DPM1: variants seen among roughly 807,000 people sequenced by gnomAD.
DPM1 encodes dolichyl-phosphate mannosyltransferase subunit 1, catalytic.
A neutral mutation model predicts 39.0 loss-of-function variants in DPM1; 27 were observed. That is an observed-to-expected ratio of 0.69 (90% CI 0.51 to 0.95). The LOEUF is 0.95. Ranked by LOEUF, DPM1 falls within the 40% of genes least tolerant of loss-of-function variation. The pLI is 0.00. For synonymous variants in DPM1, 124 were observed against 109.0 expected, an observed-to-expected ratio of 1.14 and a Z score of -0.86; for missense variants, 307 against 315.6, an observed-to-expected ratio of 0.97 and a Z score of 0.21.
chr20:50,940,422 G>A (rs912861269), intron 7 of DPM1, among the ~76,000 whole-genome samples: 4 of 152,144 alleles, frequency 2.6e-5, no homozygotes, highest in African/African-American at 4.8e-5. Context: ...CAGAGGGACC[G>A]AAGCTTTGTC....
chr20:50,941,316 CATATT>C (rs1444503571), intron 6 of DPM1: 1 of 125,660 alleles, frequency 8.0e-6, no homozygotes, highest in Admixed American at 8.8e-5. Context: ...TATGTATATT[CATATT>C]ATATATTCAT....
intron 2 of DPM1, among the ~76,000 whole-genome samples, chr20:50,951,788 C>CAAAA (rs756735202): frequency 1.4e-5 from 2 of 145,778 alleles, no homozygotes; most frequent in African/African-American, 5.1e-5. Flanking sequence ...ACTCCAATCT[C>CAAAA]AAAAAAAAAA....
chr20:50,939,458 C>T (rs537160665), intron 7 of DPM1, among the ~76,000 whole-genome samples: 127 of 149,610 alleles, frequency 8.5e-4, no homozygotes, highest in Non-Finnish European at 1.4e-3. Flanking sequence ...CTCCACCTCC[C>T]AAGTAGCTTA....
chr20:50,949,807 T>C (rs766690701), intron 2 of DPM1, among the ~76,000 whole-genome samples: 3 of 152,120 alleles, frequency 2.0e-5, no homozygotes, highest in Non-Finnish European at 2.9e-5. Context: ...GAGGTTTCTA[T>C]TTGCATGGAA....
At chr20:50,956,933 A>C (rs1986855185) in intron 1 of DPM1, among the ~76,000 whole-genome samples, 1 of 152,204 alleles carries the variant, frequency 6.6e-6, no homozygotes, top group Non-Finnish European at 1.5e-5. Flanking sequence ...TGTTTCCTTT[A>C]TCAAACTTCA....
At chr20:50,945,285 T>TGC (rs1986201332) in intron 5 of DPM1, among the ~76,000 whole-genome samples, 2 of 730 alleles carry the variant, frequency 2.7e-3, no homozygotes, top group Admixed American at 0.029. Context: ...AAATGTGTGT[T>TGC]GTGTGTGTGT....
intron 7 of DPM1, among the ~76,000 whole-genome samples, chr20:50,939,499 T>G (rs527857988): frequency 1.1e-4 from 17 of 150,636 alleles, no homozygotes; most frequent in Non-Finnish European, 1.9e-4. Flanking sequence ...ACTTGGCTAA[T>G]TTTTTGTATT....
intron 8 of DPM1, 135 bp downstream of exon 8, chr20:50,936,013 G>A: frequency 1.5e-6 from 1 of 680,350 alleles, no homozygotes; most frequent in Non-Finnish European, 2.6e-6. Context: ...TACCCTTTGT[G>A]CATGAATATT....
chr20:50,943,612 G>A (rs1986054929), intron 5 of DPM1, among the ~76,000 whole-genome samples: 1 of 152,014 alleles, frequency 6.6e-6, no homozygotes, highest in African/African-American at 2.4e-5. Flanking sequence ...GCCCGCCTCA[G>A]CCTCCCAAAG....
chr20:50,941,344 T>TATATATAC (rs1985779030), intron 6 of DPM1: 1 of 144,170 alleles, frequency 6.9e-6, no homozygotes, highest in Non-Finnish European at 1.4e-5. Flanking sequence ...ATATTCGTAT[T>TATATATAC]ATATATATTC....
chr20:50,940,043 A>G (rs1985578200), intron 7 of DPM1, among the ~76,000 whole-genome samples: 1 of 151,440 alleles, frequency 6.6e-6, no homozygotes, highest in Non-Finnish European at 1.5e-5. Flanking sequence ...AGTTCTAGAG[A>G]GGCTTCATTT....
At chr20:50,942,503 C>CA (rs11484450) in intron 5 of DPM1, among the ~76,000 whole-genome samples, 37,262 of 128,538 alleles carry the variant, frequency 0.29, 4,939 homozygotes, top group Admixed American at 0.3. Context: ...GACTCCATCT[C>CA]AAAAAAAAAA....
intron 7 of DPM1, 56 bp from the exon 8 acceptor site, chr20:50,936,318 T>A: frequency 8.5e-7 from 1 of 1,177,964 alleles, no homozygotes; most frequent in East Asian, 2.5e-5. Flanking sequence ...TGCCTATGTA[T>A]CCTGACCTTT....
chr20:50,949,659 G>A (rs1331873667), intron 2 of DPM1, among the ~76,000 whole-genome samples: 1 of 152,140 alleles, frequency 6.6e-6, no homozygotes, highest in East Asian at 1.9e-4. Context: ...ACTCATTAGT[G>A]AGCATGTCTT....
At chr20:50,948,508 C>T (rs536920409) in intron 3 of DPM1, 121 bp downstream of exon 3, 7 of 971,026 alleles carry the variant, frequency 7.2e-6, no homozygotes, top group Admixed American at 3.4e-5. Context: ...TCATTAAGAT[C>T]ATTAAAAACC....
At chr20:50,942,230 G>T in intron 5 of DPM1, 104 bp from the exon 6 acceptor site, 2 of 1,022,276 alleles carry the variant, frequency 2.0e-6, no homozygotes, top group Non-Finnish European at 1.5e-6. Flanking sequence ...GACACAGGCT[G>T]GGTGCAGTGG....
intron 3 of DPM1, 81 bp from the exon 4 acceptor site, chr20:50,946,004 C>CACCTGAAGA (rs1181702891): frequency 1.7e-6 from 2 of 1,211,970 alleles, no homozygotes; most frequent in African/African-American, 3.0e-5. Context: ...AATTGTTTAG[C>CACCTGAAGA]ACCTGAAGAG....
chr20:50,946,211 T>A (rs1986274143), intron 3 of DPM1, among the ~76,000 whole-genome samples: 1 of 152,230 alleles, frequency 6.6e-6, no homozygotes. Flanking sequence ...AGTCTAAGAT[T>A]ATGTAGCACA....
chr20:50,940,777 T>C (rs1474611196), intron 7 of DPM1, 88 bp downstream of exon 7: 2 of 1,122,040 alleles, frequency 1.8e-6, no homozygotes, highest in African/African-American at 3.1e-5. Context: ...AAAAACAAGG[T>C]AGAAATGTAA....
Sources: gnomAD v4.1 joint callset for allele counts (sites outside exome capture counted in the v4.1 genomes callset) on GRCh38, gnomAD v4.1.1 for gene constraint, MANE v1.5 for transcripts, NCBI Gene and HGNC (gene_info 2026-07-23, HGNC 2026-07-21) for gene names.